Variants in ZNF829 observed in about 807,000 individuals in gnomAD.
The protein encoded by ZNF829 is zinc finger protein 829.
A neutral mutation model predicts 35.2 loss-of-function variants in ZNF829; 25 were observed. The ratio of observed to expected loss-of-function variants is 0.71; its 90% CI spans 0.52 to 0.99. The LOEUF (loss-of-function observed/expected upper bound fraction) is 0.99. Among genes scored for constraint, ZNF829 ranks in the 50% least tolerant of loss-of-function variants. ZNF829 has a pLI of 0.00. For missense variants in ZNF829, 417 were observed against 515.3 expected (o/e 0.81, Z 1.85); for synonymous variants, 136 against 163.2 (o/e 0.83, Z 1.27).
rs1317020984 is a variant in ZNF829 at position 36,908,449 on chromosome 19, A to G, written c.107T>C (p.Met36Thr). 1 of 1,598,996 alleles carries G rather than the reference A, an allele frequency of 6.3e-7. No individual in the cohort carries two copies. Among genetic ancestry groups the G allele is most frequent in the Non-Finnish European group, 8.5e-7 (1 of 1,174,282 alleles). The change falls in exon 4 of 6, where the codon ATG (methionine) becomes ACG (threonine). Residue 36 changes from methionine to threonine, a missense_variant. Met to Thr is a moderately conservative substitution (Grantham distance 81, BLOSUM62 -1). Coordinates refer to ENST00000391711, the MANE Select transcript of ZNF829 (RefSeq NM_001037232.4). The stretch of plus-strand genomic sequence containing the variant: ...GAAGTCTATGGAAACATCCCTGAAC[A>G]TCACCGGCCCCTGAAACAACAAACA... Reference protein sequence around the residue: ...LLQAVSKGPVMFRDVSIDFSQ... With the variant: ...LLQAVSKGPVTFRDVSIDFSQ...
Position 36,891,448 on chromosome 19 carries a change from A to T in ZNF829, c.*44T>A. 6.7e-7 allele frequency: 1 copy of T among 1,498,788 alleles called. No homozygotes were observed. The highest frequency in any genetic ancestry group is 8.9e-7 in the Non-Finnish European group (1 of 1,125,192). 92.8% of individuals were successfully genotyped at this position (1,498,788 alleles called of 1,614,324 possible). ...TTTGTTCTCCTTACCTGTTTTAAAA[A>T]AATTATTATAAAGGTTAACAAAATG... is the stretch of plus-strand genomic sequence containing the variant. On this transcript the variant is annotated 3_prime_UTR_variant, in exon 6 of 6. Coordinates refer to ENST00000391711, the MANE Select transcript of ZNF829 (RefSeq NM_001037232.4).
At chr19:36,900,406 G>A (rs998401760) in intron 5 of ZNF829, among the ~76,000 whole-genome samples, 1 of 150,998 alleles carries the variant, frequency 6.6e-6, no homozygotes, top group African/African-American at 2.4e-5. Flanking sequence ...CAATAAGATT[G>A]TAACACAAAG....
At chr19:36,892,524 C>T (rs1316137632) in intron 5 of ZNF829, 53 bp from the exon 6 acceptor site, 1 of 1,491,816 alleles carries the variant, frequency 6.7e-7, no homozygotes, top group East Asian at 2.3e-5. Context: ...CAAGTTAAAA[C>T]TTCTAAAAAA....
intron 3 of ZNF829, 133 bp from the exon 4 acceptor site, chr19:36,908,592 A>G: frequency 1.0e-6 from 1 of 953,980 alleles, no homozygotes; most frequent in Non-Finnish European, 1.5e-6. Context: ...CGTCCTGTGT[A>G]CAAAGGGATA....
intron 3 of ZNF829, among the ~76,000 whole-genome samples, chr19:36,913,506 T>C (rs1339149184): frequency 1.3e-5 from 2 of 152,146 alleles, no homozygotes; most frequent in African/African-American, 4.8e-5. Flanking sequence ...AACTCTGTAA[T>C]TGCCTGCCAT....
chr19:36,895,677 CACAA>C (rs1369119373), intron 5 of ZNF829, among the ~76,000 whole-genome samples: 1 of 151,566 alleles, frequency 6.6e-6, no homozygotes, highest in East Asian at 1.9e-4. Context: ...AAATACTGCA[CACAA>C]ACAAACCAAA....
intron 5 of ZNF829, among the ~76,000 whole-genome samples, chr19:36,901,066 T>G (rs2073161653): frequency 6.6e-6 from 1 of 152,072 alleles, no homozygotes; most frequent in Non-Finnish European, 1.5e-5. Flanking sequence ...ACACAAAAAC[T>G]TATAGACATG....
intron 5 of ZNF829, among the ~76,000 whole-genome samples, chr19:36,903,748 G>A (rs991738715): frequency 5.4e-5 from 8 of 147,642 alleles, no homozygotes; most frequent in East Asian, 2.0e-4. Flanking sequence ...AAAATTAGCC[G>A]GGCATGGTGG....
intron 4 of ZNF829, 80 bp from the exon 5 acceptor site, chr19:36,908,104 G>A (rs2146245987): frequency 7.5e-7 from 1 of 1,328,590 alleles, no homozygotes; most frequent in Non-Finnish European, 1.0e-6. Flanking sequence ...GTGATCAAAG[G>A]AGAGATGCCA....
At chr19:36,902,167 A>G in intron 5 of ZNF829, 1 of 261,412 alleles carries the variant, frequency 3.8e-6, no homozygotes, top group Non-Finnish European at 7.2e-6. Context: ...GCAAAAAAAA[A>G]AGAAAAAAAA....
chr19:36,916,003 T>C lies in ZNF829; in HGVS notation c.-85+8A>G. ...GAGCCAGTTCTCCTGGGGACCAAAA[T>C]ATCTCACCTCCCAGATCTAAGGGTC... On this transcript the variant is annotated splice_region_variant and intron_variant, in intron 1 of 5. Coordinates refer to ENST00000391711, the MANE Select transcript of ZNF829 (RefSeq NM_001037232.4). This position sits in a 1 kb window ranked among gnomAD's most constrained non-coding sequence, Gnocchi z 5.3. The C allele has an allele frequency of 7.2e-7, 1 of 1,386,480 alleles. No individual in the cohort carries two copies. The highest frequency in any genetic ancestry group is 9.7e-7 in the Non-Finnish European group (1 of 1,028,764). 85.9% of individuals were successfully genotyped at this position (1,386,480 alleles called of 1,614,324 possible).
intron 3 of ZNF829, among the ~76,000 whole-genome samples, chr19:36,909,612 G>A (rs2073246338): frequency 6.6e-6 from 1 of 151,996 alleles, no homozygotes; most frequent in African/African-American, 2.4e-5. Context: ...TTCGAGACCA[G>A]CCTGGCCAAC....
In ZNF829 at chr19:36,892,121, T is replaced by C. The variant is rs376947168; in HGVS notation, c.670A>G (p.Ser224Gly). The change falls in exon 6 of 6, where the codon AGT becomes GGT. Residue 224 changes from serine (S) to glycine (G), a missense_variant. Transcript: ENST00000391711. ...CKECGKAFSC[S>G]SYFSQHQRIH... Reference sequence around the variant, plus strand: ...CTCTGATGTTGAGAAAAATATGAACTACAACTAAAAGCCTTGCCACATTCC... The same window carrying C: ...CTCTGATGTTGAGAAAAATATGAACCACAACTAAAAGCCTTGCCACATTCC... 81 of 1,614,020 alleles carry C rather than the reference T, an allele frequency of 5.0e-5. No individual in the cohort carries two copies. The Middle Eastern group carries it at 6.6e-4, about 13-fold the overall frequency.
In ZNF829 at chr19:36,888,264, T is replaced by C. The variant is rs543701559; in HGVS notation, c.*3228A>G. On this transcript the variant is annotated 3_prime_UTR_variant, in exon 6 of 6. Coordinates refer to ENST00000391711, the MANE Select transcript of ZNF829 (RefSeq NM_001037232.4). ...GTTTGATCAAAAGTTTGATAAAACATTTAATAGTATACATATTCCAGGGAA... is the reference window on the plus strand; with the variant it reads ...GTTTGATCAAAAGTTTGATAAAACACTTAATAGTATACATATTCCAGGGAA... The C allele has an allele frequency of 1.3e-5, 2 of 152,188 alleles. No individual in the cohort carries two copies. Among genetic ancestry groups the C allele is most frequent in the Non-Finnish European group, 2.9e-5 (2 of 68,036 alleles). 9.4% of individuals were successfully genotyped at this position (152,188 alleles called of 1,614,324 possible).
intron 3 of ZNF829, among the ~76,000 whole-genome samples, chr19:36,910,025 T>A (rs2146248207): frequency 6.6e-6 from 1 of 150,950 alleles, no homozygotes; most frequent in East Asian, 1.9e-4. Context: ...CTAAGGGGAG[T>A]AGGATTGGGT....
Position 36,892,178 on chromosome 19 carries a change from T to G in ZNF829, c.613A>C (p.Ile205Leu), listed in dbSNP as rs780305474. Residue 205 changes from isoleucine to leucine, a missense_variant, in exon 6 of 6, where the codon ATT becomes CTT. Transcript: ENST00000391711. Reference sequence around the variant, plus strand: ...TCATAGGGTTTTTTACCAGTGTGAATCCTCTGATGTCGAGTAACGAGTGAG... The same window carrying G: ...TCATAGGGTTTTTTACCAGTGTGAAGCCTCTGATGTCGAGTAACGAGTGAG... ...RGSLVTRHQR[I>L]HTGKKPYECK... 1 of 1,614,204 alleles carries G rather than the reference T, an allele frequency of 6.2e-7. No individual in the cohort carries two copies.
chr19:36,913,547 G>A lies in ZNF829; in HGVS notation c.96+1418C>T, dbSNP rs111514132. ...CTGCCCCCTCCTGAGATGAGGCAAGGTTCTTTTGTTTGCTTTGATTTCAGC... is the reference window on the plus strand; with the variant it reads ...CTGCCCCCTCCTGAGATGAGGCAAGATTCTTTTGTTTGCTTTGATTTCAGC... On this transcript the variant is annotated intron_variant, in intron 3 of 5. Transcript: ENST00000391711. Among the ~76,000 whole-genome samples, 3 of 152,044 alleles carry A rather than the reference G, an allele frequency of 2.0e-5. No homozygotes were observed. In the East Asian group the frequency reaches 5.8e-4, roughly 29 times the overall value.
At chr19:36,902,776 C>T (rs1240792128) in intron 5 of ZNF829, among the ~76,000 whole-genome samples, 1 of 152,184 alleles carries the variant, frequency 6.6e-6, no homozygotes, top group African/African-American at 2.4e-5. Context: ...TGGCTCACGC[C>T]TATAATCCCA....
At chr19:36,902,492 G>A (rs962483935) in intron 5 of ZNF829, among the ~76,000 whole-genome samples, 8 of 151,746 alleles carry the variant, frequency 5.3e-5, no homozygotes, top group South Asian at 2.1e-4. Context: ...AAAATTAGCC[G>A]GTCATGGTGC....
Sources: allele counts gnomAD v4.1 joint callset (sites outside exome capture counted in the v4.1 genomes callset), GRCh38; gene constraint gnomAD v4.1.1; non-coding constraint Gnocchi (gnomAD v3.1); transcripts MANE v1.5; gene names NCBI Gene and HGNC (gene_info 2026-07-23, HGNC 2026-07-21).